SPAG16: variants seen among roughly 807,000 people sequenced by gnomAD.
SPAG16 encodes sperm associated antigen 16, also known as sperm-associated antigen 16 protein.
SPAG16 carries 86 observed loss-of-function variants against 80.4 expected under a neutral mutation model. The ratio of observed to expected loss-of-function variants is 1.07; its 90% CI spans 0.90 to 1.28. The LOEUF is 1.28. Among genes scored for constraint, SPAG16 ranks in the 50% most tolerant of loss-of-function variants. SPAG16 has a pLI of 0.00. For missense variants in SPAG16, 870 were observed against 765.3 expected, an observed-to-expected ratio of 1.14 and a Z score of -1.61; for synonymous variants, 294 against 265.9, an observed-to-expected ratio of 1.11 and a Z score of -1.03.
At chr2:214,104,103 C>G (rs1332243737) in intron 13 of SPAG16, among the ~76,000 whole-genome samples, 2 of 152,158 alleles carry the variant, frequency 1.3e-5, no homozygotes, top group African/African-American at 4.8e-5. Context: ...GTCCCTGTAT[C>G]TCCCCAGGGG....
intron 11 of SPAG16, among the ~76,000 whole-genome samples, chr2:213,869,827 A>G (rs755242208): frequency 5.3e-5 from 8 of 152,174 alleles, no homozygotes; most frequent in Admixed American, 2.6e-4. Context: ...CCCTTATAAT[A>G]ATGTCCGTAC....
intron 11 of SPAG16, among the ~76,000 whole-genome samples, chr2:213,920,561 A>T (rs1014017341): frequency 6.6e-5 from 10 of 152,068 alleles, no homozygotes; most frequent in African/African-American, 2.4e-4. Context: ...GCCCCATTGG[A>T]CCTCTCTGCC....
chr2:213,928,486 C>A (rs1428501059), intron 11 of SPAG16, among the ~76,000 whole-genome samples: 1 of 152,162 alleles, frequency 6.6e-6, no homozygotes, highest in Non-Finnish European at 1.5e-5. Context: ...CTAATGGTGG[C>A]TGTTTCTACG....
At chr2:213,301,729 A>G (rs968644853) in intron 3 of SPAG16, among the ~76,000 whole-genome samples, 4 of 152,008 alleles carry the variant, frequency 2.6e-5, no homozygotes, top group Admixed American at 1.3e-4. Flanking sequence ...TAAATTCCCA[A>G]TGTGTCTACC....
chr2:213,629,829 G>A (rs768448297), intron 10 of SPAG16, among the ~76,000 whole-genome samples: 1 of 152,188 alleles, frequency 6.6e-6, no homozygotes, highest in African/African-American at 2.4e-5. Flanking sequence ...GCTGTCTAAT[G>A]TAAAGTCTCT....
chr2:213,976,196 A>G (rs893347563), intron 12 of SPAG16, among the ~76,000 whole-genome samples: 1 of 149,856 alleles, frequency 6.7e-6, no homozygotes, highest in Non-Finnish European at 1.5e-5. Flanking sequence ...GCGTATGTGT[A>G]TATATACACA....
intron 10 of SPAG16, among the ~76,000 whole-genome samples, chr2:213,824,056 T>C (rs141852731): frequency 1.6e-4 from 24 of 152,374 alleles, no homozygotes; most frequent in African/African-American, 5.0e-4. Flanking sequence ...GTTTTACATA[T>C]AAGTCTTTAA....
intron 12 of SPAG16, among the ~76,000 whole-genome samples, chr2:214,005,076 C>T (rs991581524): frequency 6.6e-6 from 1 of 152,068 alleles, no homozygotes; most frequent in Admixed American, 6.6e-5. Context: ...TTGTTTTGAT[C>T]TTTATCAGCC....
chr2:214,013,098 T>TA (rs2124956720), intron 12 of SPAG16, among the ~76,000 whole-genome samples: 1 of 152,172 alleles, frequency 6.6e-6, no homozygotes, highest in East Asian at 1.9e-4. Flanking sequence ...GGAGAGGCAT[T>TA]AATCCACTAA....
intron 15 of SPAG16, among the ~76,000 whole-genome samples, chr2:214,164,868 T>G (rs892097014): frequency 6.6e-6 from 1 of 152,084 alleles, no homozygotes; most frequent in Non-Finnish European, 1.5e-5. Flanking sequence ...GTGTAGAAAT[T>G]TAAATGCTCC....
chr2:214,287,225 C>A (rs1047170835), intron 15 of SPAG16, among the ~76,000 whole-genome samples: 16 of 152,146 alleles, frequency 1.1e-4, no homozygotes, highest in Non-Finnish European at 1.5e-5. Context: ...GATTGCTGAA[C>A]TCTATCTGTA....
intron 12 of SPAG16, among the ~76,000 whole-genome samples, chr2:213,930,858 A>G (rs1017551415): frequency 4.6e-5 from 7 of 152,298 alleles, no homozygotes; most frequent in Admixed American, 3.3e-4. Flanking sequence ...GGGGTTATAT[A>G]TCATCCATCA....
rs887882346 is a variant in SPAG16, at chr2:214,410,242, C to A, written c.1823C>A (p.Thr608Lys). ...KLMGHENEAHTVVFSHDGEIL... is the reference protein window; with the variant it reads ...KLMGHENEAHKVVFSHDGEIL... ...ATGGGCCACGAAAACGAGGCACACACGGTTGTGTTTTCTCACGACGGGGAG... is the reference window on the plus strand; with the variant it reads ...ATGGGCCACGAAAACGAGGCACACAAGGTTGTGTTTTCTCACGACGGGGAG... The change falls in exon 16 of 16, where the codon ACG becomes AAG. Residue 608 changes from threonine (T) to lysine (K), a missense_variant. By Grantham distance (78) the Thr-to-Lys change is moderately conservative. Coordinates refer to ENST00000331683, the MANE Select transcript of SPAG16 (RefSeq NM_024532.5). 2.5e-6 allele frequency: 4 copies of A among 1,612,180 alleles called. No individual in the cohort carries two copies. In the Admixed American group the frequency reaches 6.7e-5, roughly 27 times the overall value.
At chr2:213,953,391 A>G (rs2043955620) in intron 12 of SPAG16, among the ~76,000 whole-genome samples, 1 of 151,874 alleles carries the variant, frequency 6.6e-6, no homozygotes, top group African/African-American at 2.4e-5. Flanking sequence ...AAAAGGAGAA[A>G]AACTTACAGA....
intron 10 of SPAG16, among the ~76,000 whole-genome samples, chr2:213,642,221 A>T (rs1273399710): frequency 6.6e-6 from 1 of 152,216 alleles, no homozygotes; most frequent in Admixed American, 6.5e-5. Flanking sequence ...ACTTCTTCCA[A>T]AGGGTTTGTG....
At chr2:213,296,162 C>A in intron 2 of SPAG16, 52 bp downstream of exon 2, 2 of 1,256,918 alleles carry the variant, frequency 1.6e-6, no homozygotes, top group South Asian at 1.3e-5. Context: ...CAGTCATTCT[C>A]ATGAAATGCT....
chr2:213,595,580 TTC>T (rs2060858467), intron 10 of SPAG16, among the ~76,000 whole-genome samples: 1 of 152,112 alleles, frequency 6.6e-6, no homozygotes, highest in African/African-American at 2.4e-5. Flanking sequence ...TTTAGAATAT[TTC>T]TGTTACAAAA....
chr2:213,437,994 G>A (rs1329469101), intron 9 of SPAG16, among the ~76,000 whole-genome samples: 3 of 152,184 alleles, frequency 2.0e-5, no homozygotes, highest in Non-Finnish European at 4.4e-5. Context: ...TAATGTTACA[G>A]AGAGGCCCAG....
At chr2:213,367,316 G>A (rs974700007) in intron 8 of SPAG16, among the ~76,000 whole-genome samples, 46 of 151,926 alleles carry the variant, frequency 3.0e-4, no homozygotes, top group African/African-American at 1.1e-3. Flanking sequence ...TAATGGGATC[G>A]CTGGGTCAAA....
Sources: allele counts gnomAD v4.1 joint callset (sites outside exome capture counted in the v4.1 genomes callset), GRCh38; gene constraint gnomAD v4.1.1; transcripts MANE v1.5; gene names NCBI Gene and HGNC (gene_info 2026-07-23, HGNC 2026-07-21).